Variants in DGKH observed in about 807,000 individuals in gnomAD.
DGKH encodes the protein diacylglycerol kinase eta.
Under a neutral mutation model 159.3 loss-of-function variants are expected in DGKH, and 90 were observed. That is an observed-to-expected ratio of 0.57 (90% CI 0.48 to 0.67). The LOEUF (loss-of-function observed/expected upper bound fraction) is 0.67, where lower values mean the gene tolerates loss of function less well. Among genes scored for constraint, DGKH ranks in the 30% least tolerant of loss-of-function variants. The pLI is 0.00. For missense variants in DGKH, 1,181 were observed against 1,506.1 expected (o/e 0.78, Z 3.57); for synonymous variants, 536 against 553.8 (o/e 0.97, Z 0.45).
chr13:42,179,426 T>C (rs938196379), intron 13 of DGKH, among the ~76,000 whole-genome samples: 1 of 152,246 alleles, frequency 6.6e-6, no homozygotes. Flanking sequence ...CTATCTAATT[T>C]ATTAATGTCA....
chr13:42,160,243 T>A, intron 7 of DGKH, 107 bp downstream of exon 7: 1 of 1,457,672 alleles, frequency 6.9e-7, no homozygotes, highest in Non-Finnish European at 9.5e-7. Flanking sequence ...GAGCTGAACC[T>A]GGTAGCATAC....
chr13:42,124,641 G>A (rs1419184574), intron 1 of DGKH, among the ~76,000 whole-genome samples: 1 of 152,160 alleles, frequency 6.6e-6, no homozygotes, highest in African/African-American at 2.4e-5. Context: ...CCTGAGCTCT[G>A]GTGATGGGAG....
chr13:42,249,812 A>G (rs1594273233), intron 29 of DGKH, among the ~76,000 whole-genome samples: 1 of 151,540 alleles, frequency 6.6e-6, no homozygotes, highest in South Asian at 2.1e-4. Context: ...AAAAGTTTTC[A>G]GGAACCACCC....
At chr13:42,089,596 C>T (rs993259368) in intron 1 of DGKH, among the ~76,000 whole-genome samples, 12 of 152,126 alleles carry the variant, frequency 7.9e-5, no homozygotes, top group African/African-American at 2.7e-4. Context: ...GCTTGCAGTT[C>T]CATTCCTCTA....
intron 1 of DGKH, among the ~76,000 whole-genome samples, chr13:42,107,216 C>G (rs900469715): frequency 6.6e-6 from 1 of 152,154 alleles, no homozygotes; most frequent in Admixed American, 6.5e-5. Flanking sequence ...GGGTGAGTCA[C>G]GAGAGGAAAG....
At chr13:42,081,316 A>G (rs866703184) in intron 1 of DGKH, among the ~76,000 whole-genome samples, 2 of 151,226 alleles carry the variant, frequency 1.3e-5, no homozygotes, top group Non-Finnish European at 2.9e-5. Context: ...TGCAACTTCT[A>G]CCTCCTGGGT....
At chr13:42,216,416 T>A (rs140173775) in intron 26 of DGKH, among the ~76,000 whole-genome samples, 2 of 152,198 alleles carry the variant, frequency 1.3e-5, no homozygotes, top group African/African-American at 2.4e-5. Context: ...GGTTAATTGG[T>A]AGTTGATGAT....
intron 1 of DGKH, among the ~76,000 whole-genome samples, chr13:42,119,213 A>G (rs1357105322): frequency 1.3e-5 from 2 of 152,194 alleles, no homozygotes; most frequent in Admixed American, 1.3e-4. Context: ...TCCTCAAAGC[A>G]TCTTGAAATA....
intron 1 of DGKH, chr13:42,070,716 T>G: frequency 6.2e-7 from 1 of 1,610,076 alleles, no homozygotes; most frequent in Non-Finnish European, 8.5e-7. Context: ...TGGCATGCTC[T>G]TCCAGTAAAG....
At chr13:42,092,125 A>G (rs1453486825) in intron 1 of DGKH, among the ~76,000 whole-genome samples, 2 of 152,240 alleles carry the variant, frequency 1.3e-5, no homozygotes, top group Non-Finnish European at 2.9e-5. Flanking sequence ...ACCCTTACAC[A>G]ATATTGGTAG....
In DGKH at chr13:42,214,491, T is replaced by A. The variant is rs1316464375; in HGVS notation, c.3015-16T>A. 1 of 1,599,166 alleles carries A rather than the reference T, an allele frequency of 6.3e-7. No homozygotes were observed. ...CAAAAAAGTTTTTTATTCATTTGTT[T>A]CATTTTTGCTTTTAGGATATGTGAC... is the stretch of plus-strand genomic sequence containing the variant. On this transcript the variant is annotated splice_polypyrimidine_tract_variant and intron_variant, in intron 24 of 29. Transcript: ENST00000337343.
intron 13 of DGKH, among the ~76,000 whole-genome samples, chr13:42,180,647 C>T (rs1203399437): frequency 6.6e-6 from 1 of 152,178 alleles, no homozygotes; most frequent in Non-Finnish European, 1.5e-5. Context: ...TTCTCCCTAA[C>T]CAGCTTGCCT....
Position 42,241,970 on chromosome 13 carries a change from A to G in DGKH, c.*12782A>G, listed in dbSNP as rs1397504093. 2 of 152,250 alleles carry G rather than the reference A, an allele frequency of 1.3e-5. No homozygotes were observed. Among genetic ancestry groups the G allele is most frequent in the Non-Finnish European group, 2.9e-5 (2 of 68,036 alleles). 9.4% of individuals were successfully genotyped at this position (152,250 alleles called of 1,614,324 possible). On this transcript the variant is annotated 3_prime_UTR_variant, in exon 30 of 30. Transcript: ENST00000337343. ...AAACCCGACTTGTATGTGTATTCAC[A>G]GTTTGATAGGCATATTTTGAAGTCA...
chr13:42,238,404 C>T lies in DGKH; in HGVS notation c.*9216C>T, dbSNP rs1958459324. 6.6e-6 allele frequency: 1 copy of T among 152,160 alleles called. No homozygotes were observed. Among genetic ancestry groups the T allele is most frequent in the Admixed American group, 6.5e-5 (1 of 15,280 alleles). The allele number at this position is 152,160 out of a possible 1,614,324, so 9.4% of individuals were successfully genotyped here. A position where few individuals can be genotyped will look rare whatever the true frequency, so the allele number is the denominator to read the frequency against. On this transcript the variant is annotated 3_prime_UTR_variant, in exon 30 of 30. Coordinates refer to ENST00000337343, the MANE Select transcript of DGKH (RefSeq NM_178009.5). Reference sequence around the variant, plus strand: ...TTTTAGGATAGGCCAAAACTCACTTCTAAAATCTTCAAAAATTTTGAATAG... The same window carrying T: ...TTTTAGGATAGGCCAAAACTCACTTTTAAAATCTTCAAAAATTTTGAATAG...
intron 23 of DGKH, among the ~76,000 whole-genome samples, chr13:42,210,292 C>T (rs1392794481): frequency 3.3e-5 from 5 of 151,700 alleles, no homozygotes; most frequent in Admixed American, 3.3e-4. Context: ...TACCTCAGCC[C>T]AGCTAATTAA....
intron 1 of DGKH, among the ~76,000 whole-genome samples, chr13:42,105,820 G>A (rs945885717): frequency 2.6e-5 from 4 of 152,160 alleles, no homozygotes; most frequent in African/African-American, 9.7e-5. Context: ...TTAGCTCCCT[G>A]CAAGCAGGCA....
intron 1 of DGKH, among the ~76,000 whole-genome samples, chr13:42,118,344 C>T (rs1350116668): frequency 6.6e-6 from 1 of 152,242 alleles, no homozygotes; most frequent in Non-Finnish European, 1.5e-5. Flanking sequence ...AGTTACCTTA[C>T]ATACCATTGT....
intron 11 of DGKH, among the ~76,000 whole-genome samples, chr13:42,170,711 G>T (rs1956431935): frequency 6.6e-6 from 1 of 152,182 alleles, no homozygotes; most frequent in African/African-American, 2.4e-5. Context: ...GGGAGGCCCA[G>T]GTGGGCGAAT....
At chr13:42,115,154 T>C (rs1954940882) in intron 1 of DGKH, among the ~76,000 whole-genome samples, 1 of 152,232 alleles carries the variant, frequency 6.6e-6, no homozygotes. Context: ...GGTCTATTTT[T>C]GTTTTATGCT....
Sources: gnomAD v4.1 joint callset for allele counts (sites outside exome capture counted in the v4.1 genomes callset) on GRCh38, gnomAD v4.1.1 for gene constraint, MANE v1.5 for transcripts, NCBI Gene and HGNC (gene_info 2026-07-23, HGNC 2026-07-21) for gene names.